The following CDK17 variants were observed in gnomAD, a reference collection of about 807,000 sequenced individuals.
The protein encoded by CDK17 is cyclin dependent kinase 17.
A neutral mutation model predicts 77.6 loss-of-function variants in CDK17; 24 were observed. The ratio of observed to expected loss-of-function variants is 0.31; its 90% CI spans 0.22 to 0.44. The LOEUF is 0.44. Ranked by LOEUF, CDK17 falls within the 20% of genes least tolerant of loss-of-function variation. The probability of loss-of-function intolerance (pLI) is 1.00; values close to 1 mark genes in which losing one functional copy is unlikely to be tolerated. For missense variants in CDK17, 429 were observed against 622.5 expected, an observed-to-expected ratio of 0.69 and a Z score of 3.31; for synonymous variants, 203 against 210.4, an observed-to-expected ratio of 0.96 and a Z score of 0.30.
intron 11 of CDK17, among the ~76,000 whole-genome samples, chr12:96,287,594 A>G (rs549459939): frequency 6.6e-6 from 1 of 152,254 alleles, no homozygotes; most frequent in South Asian, 2.1e-4. Flanking sequence ...ATGCAGGAGG[A>G]CTGCTTGAGC....
intron 5 of CDK17, among the ~76,000 whole-genome samples, chr12:96,309,108 A>G (rs1428769189): frequency 1.3e-5 from 2 of 152,102 alleles, no homozygotes; most frequent in Non-Finnish European, 2.9e-5. Flanking sequence ...TCTTGGCCTG[A>G]CCTCTAAGGC....
intron 2 of CDK17, among the ~76,000 whole-genome samples, chr12:96,327,624 T>C (rs1331320073): frequency 6.6e-6 from 1 of 152,262 alleles, no homozygotes; most frequent in East Asian, 1.9e-4. Flanking sequence ...CACAGCTCAC[T>C]GCAGCCTCAA....
chr12:96,300,236 TG>T lies in CDK17; in HGVS notation c.600+67del. ...GTTTTTTCCAGGTTAACAAAAACCG[TG>T]GAGTAACAGAGTTTGAATGACGAAT... On this transcript the variant is annotated intron_variant, in intron 6 of 16. Transcript: ENST00000261211. 3 of 1,017,836 alleles carry T rather than the reference TG, an allele frequency of 2.9e-6. 1 individual carries two copies. The South Asian group carries it at 4.1e-5, about 14-fold the overall frequency. The allele number at this position is 1,017,836 out of a possible 1,614,324, so 63.1% of individuals were successfully genotyped here.
In CDK17 at chr12:96,295,068, A is replaced by G; in HGVS notation, c.928T>C (p.Leu310=). The change falls in exon 10 of 17, where the codon TTG becomes CTG. Residue 310 remains leucine, a synonymous_variant. Transcript: ENST00000261211. ...TTCTGTGGTTTCAAGTCTCGATGCAATACCTTTCTTCTATGGCAATATGCC... is the reference window on the plus strand; with the variant it reads ...TTCTGTGGTTTCAAGTCTCGATGCAGTACCTTTCTTCTATGGCAATATGCC... The part of the protein sequence containing the change: ...GLAYCHRRKV[L]HRDLKPQNLL... 9 of 1,612,166 alleles carry G rather than the reference A, an allele frequency of 5.6e-6. No homozygotes were observed. Among genetic ancestry groups the G allele is most frequent in the Non-Finnish European group, 6.8e-6 (8 of 1,178,484 alleles).
chr12:96,321,745 T>A (rs1160076926), intron 3 of CDK17, among the ~76,000 whole-genome samples: 1 of 97,628 alleles, frequency 1.0e-5, no homozygotes, highest in Admixed American at 1.1e-4. Flanking sequence ...CACTCATAGG[T>A]GGGAATTGAA....
chr12:96,282,481 A>G, intron 15 of CDK17, 28 bp downstream of exon 15: 2 of 1,432,956 alleles, frequency 1.4e-6, no homozygotes, highest in Non-Finnish European at 2.0e-6. Flanking sequence ...AAAATAAAGC[A>G]GGGAAAACAC....
chr12:96,358,993 C>G (rs1248214361), intron 1 of CDK17, among the ~76,000 whole-genome samples: 1 of 143,134 alleles, frequency 7.0e-6, no homozygotes. Flanking sequence ...TTTTTTTTTT[C>G]CTGAAACAAA....
intron 2 of CDK17, among the ~76,000 whole-genome samples, chr12:96,329,863 C>T (rs996747832): frequency 2.6e-5 from 4 of 152,172 alleles, no homozygotes; most frequent in Non-Finnish European, 5.9e-5. Flanking sequence ...ACAAATTGCT[C>T]CAGTGTACAA....
chr12:96,301,241 CAAA>C (rs376295045), intron 5 of CDK17, among the ~76,000 whole-genome samples: 1 of 85,576 alleles, frequency 1.2e-5, no homozygotes. Context: ...AACACTCGGC[CAAA>C]AAAAAAAAAA....
Position 96,352,124 on chromosome 12 carries a change from G to A in CDK17, c.-29-17259C>T, listed in dbSNP as rs141817061. Among the ~76,000 whole-genome samples the A allele has an allele frequency of 7.9e-5, 12 of 152,232 alleles. No homozygotes were observed. The Middle Eastern group carries it at 0.01, about 129-fold the overall frequency. ...TTAACAGACTTTTCAAGGGGAACAC[G>A]GGGGCAAGATAGATTAAAATCTCAG... On this transcript the variant is annotated intron_variant, in intron 1 of 16. Transcript: ENST00000261211.
rs1954153128 is a variant in CDK17 at position 96,395,444 on chromosome 12, G to A, written c.-30+4542C>T. 1.3e-5 allele frequency among the ~76,000 whole-genome samples: 2 copies of A among 152,174 alleles called. 1 individual carries two copies. Among genetic ancestry groups the A allele is most frequent in the South Asian group, 4.1e-4 (2 of 4,828 alleles). ...AAACTGGAATGTCAATGTTACCACA[G>A]AGGTCGGTCCCTGGAAACAATGACT... On this transcript the variant is annotated intron_variant, in intron 1 of 16. Transcript: ENST00000261211.
At chr12:96,286,862 G>A (rs1592704902) in intron 11 of CDK17, 101 bp from the exon 12 acceptor site, 2 of 846,414 alleles carry the variant, frequency 2.4e-6, no homozygotes, top group East Asian at 5.1e-5. Flanking sequence ...TTTTGCACTA[G>A]CCTGTCGGAA....
At chr12:96,370,786 A>G (rs1279074076) in intron 1 of CDK17, among the ~76,000 whole-genome samples, 2 of 152,216 alleles carry the variant, frequency 1.3e-5, no homozygotes, top group Non-Finnish European at 2.9e-5. Flanking sequence ...TGCTATTCTC[A>G]TATTTTTGAA....
intron 1 of CDK17, among the ~76,000 whole-genome samples, chr12:96,374,532 G>A (rs1953747361): frequency 6.6e-6 from 1 of 152,116 alleles, no homozygotes; most frequent in Admixed American, 6.5e-5. Context: ...CTTTGCACAA[G>A]CATATCCCTC....
rs933328527 is a variant in CDK17 at position 96,387,120 on chromosome 12, T to C, written c.-30+12866A>G. On this transcript the variant is annotated intron_variant, in intron 1 of 16. Coordinates refer to ENST00000261211, the MANE Select transcript of CDK17 (RefSeq NM_002595.5). The stretch of plus-strand genomic sequence containing the variant: ...GACATCCACACCTGTGACTGTTCCA[T>C]AGACCTGTGTTCCACTTTTCAATTC... 3.7e-5 allele frequency: 11 copies of C among 298,754 alleles called. No homozygotes were observed. The East Asian group carries it at 4.0e-4, about 11-fold the overall frequency. 18.5% of individuals were successfully genotyped at this position (298,754 alleles called of 1,614,324 possible).
chr12:96,344,071 G>T (rs539302429), intron 1 of CDK17, among the ~76,000 whole-genome samples: 1 of 152,224 alleles, frequency 6.6e-6, no homozygotes, highest in African/African-American at 2.4e-5. Context: ...AAATTCACTA[G>T]AGTGGTTCAA....
At chr12:96,345,860 A>G (rs760185658) in intron 1 of CDK17, among the ~76,000 whole-genome samples, 1 of 152,236 alleles carries the variant, frequency 6.6e-6, no homozygotes, top group Non-Finnish European at 1.5e-5. Flanking sequence ...AAAAGGGCAA[A>G]AATAAAAAAA....
intron 5 of CDK17, among the ~76,000 whole-genome samples, chr12:96,309,613 G>A (rs564236999): frequency 3.2e-4 from 49 of 152,038 alleles, no homozygotes; most frequent in African/African-American, 8.9e-4. Context: ...TTAAAAATTC[G>A]TATAAACCAA....
At chr12:96,328,925 C>CT (rs1319057346) in intron 2 of CDK17, among the ~76,000 whole-genome samples, 1 of 152,162 alleles carries the variant, frequency 6.6e-6, no homozygotes, top group African/African-American at 2.4e-5. Flanking sequence ...ATAAAATATT[C>CT]TAACACTTCC....
Sources: allele counts gnomAD v4.1 joint callset (sites outside exome capture counted in the v4.1 genomes callset), GRCh38; gene constraint gnomAD v4.1.1; transcripts MANE v1.5; gene names NCBI Gene and HGNC (gene_info 2026-07-23, HGNC 2026-07-21).